SLC12A1: variants seen among roughly 807,000 people sequenced by gnomAD.
SLC12A1 encodes Na-K-2Cl cotransporter.
A neutral mutation model predicts 130.4 loss-of-function variants in SLC12A1; 89 were observed. The observed-to-expected ratio is 0.68, with a 90% CI of 0.58 to 0.81. The LOEUF (loss-of-function observed/expected upper bound fraction) is 0.81. Among genes scored for constraint, SLC12A1 ranks in the 40% least tolerant of loss-of-function variants. The pLI is 0.00. For synonymous variants in SLC12A1, 499 were observed against 460.0 expected (o/e 1.08, Z -1.09); for missense variants, 1,310 against 1,336.4 (o/e 0.98, Z 0.31).
intron 25 of SLC12A1, among the ~76,000 whole-genome samples, chr15:48,300,647 G>A (rs2042223636): frequency 6.6e-6 from 1 of 152,288 alleles, no homozygotes; most frequent in East Asian, 1.9e-4. Context: ...CAAACTGCCC[G>A]GTTCTGACCA....
intron 2 of SLC12A1, among the ~76,000 whole-genome samples, chr15:48,209,919 T>C (rs1160649587): frequency 6.6e-6 from 1 of 152,214 alleles, no homozygotes; most frequent in Non-Finnish European, 1.5e-5. Flanking sequence ...GGTTTCCTTA[T>C]AGACCTAAGA....
chr15:48,247,341 T>C lies in SLC12A1; in HGVS notation c.1565T>C (p.Leu522Pro). Residue 522 changes from leucine (L) to proline (P), a missense_variant, in exon 13 of 27, where the codon CTG becomes CCG. Leu to Pro is a moderately conservative substitution (Grantham distance 98, BLOSUM62 -3). Transcript: ENST00000380993. ...LVSAPKVFQA[L>P]CKDNIYKALQ... is the part of the protein sequence containing the mutation. ...TCTTCTCTTCTTTTCCATTAGGCTC[T>C]GTGCAAGGACAACATCTACAAAGCC... is the stretch of plus-strand genomic sequence containing the variant. The C allele has an allele frequency of 2.5e-6, 4 of 1,609,022 alleles. No homozygotes were observed. Among genetic ancestry groups the C allele is most frequent in the South Asian group, 2.2e-5 (2 of 89,168 alleles).
chr15:48,259,081 A>G, intron 16 of SLC12A1, 119 bp from the exon 17 acceptor site: 1 of 646,020 alleles, frequency 1.5e-6, no homozygotes, highest in Non-Finnish European at 2.8e-6. Context: ...CCCAAAAAAT[A>G]GATAGGGGAG....
Position 48,246,976 on chromosome 15 carries a change from C to T in SLC12A1, c.1520C>T (p.Ser507Phe). 6.2e-7 allele frequency: 1 copy of T among 1,613,980 alleles called. No individual in the cohort carries two copies. Among genetic ancestry groups the T allele is most frequent in the Non-Finnish European group, 8.5e-7 (1 of 1,179,878 alleles). Residue 507 changes from serine (S) to phenylalanine (F), a missense_variant, in exon 12 of 27, where the codon TCC (serine) becomes TTC (phenylalanine). Ser to Phe is a radical substitution (Grantham distance 155). Transcript: ENST00000380993. Reference protein sequence around the residue: ...TAGIFSATLSSALASLVSAPK... With the variant: ...TAGIFSATLSFALASLVSAPK... Reference sequence around the variant, plus strand: ...GGAATCTTTTCTGCAACACTCTCCTCCGCCCTGGCCTCCCTTGTCAGCGCA... The same window carrying T: ...GGAATCTTTTCTGCAACACTCTCCTTCGCCCTGGCCTCCCTTGTCAGCGCA...
intron 8 of SLC12A1, among the ~76,000 whole-genome samples, 179 bp downstream of exon 8, chr15:48,233,017 C>A (rs920100751): frequency 9.2e-5 from 14 of 152,196 alleles, no homozygotes; most frequent in Admixed American, 7.9e-4. Flanking sequence ...GAGGCAAAAA[C>A]TATCATTCTC....
intron 9 of SLC12A1, among the ~76,000 whole-genome samples, chr15:48,238,736 A>G (rs954559086): frequency 2.0e-5 from 3 of 152,188 alleles, no homozygotes; most frequent in East Asian, 1.9e-4. Context: ...TTTACACACT[A>G]TAGGATAGGA....
chr15:48,255,013 G>A (rs1374731893), intron 15 of SLC12A1, among the ~76,000 whole-genome samples: 1 of 152,144 alleles, frequency 6.6e-6, no homozygotes, highest in East Asian at 1.9e-4. Context: ...GGTTCTCAAA[G>A]ATCCATCTAA....
chr15:48,207,926 C>T lies in SLC12A1; in HGVS notation c.207C>T (p.Cys69=). ...GCTTTAGGCCTGGGAATCAGGAGTG[C>T]TATGACAATTTCCTCCAAAGTGGAG... is the stretch of plus-strand genomic sequence containing the variant. ...RISFRPGNQE[C]YDNFLQSGET... Residue 69 remains cysteine (C), a synonymous_variant, in exon 2 of 27, where the codon TGC becomes TGT. Transcript: ENST00000380993. 1.9e-6 allele frequency: 3 copies of T among 1,614,008 alleles called. No individual in the cohort carries two copies. Among genetic ancestry groups the T allele is most frequent in the South Asian group, 1.1e-5 (1 of 91,090 alleles).
In SLC12A1 at chr15:48,220,693, A is replaced by G; in HGVS notation, c.480A>G (p.Gly160=). The G allele has an allele frequency of 6.2e-7, 1 of 1,613,778 alleles. No individual in the cohort carries two copies. The highest frequency in any genetic ancestry group is 1.6e-4 in the Middle Eastern group (1 of 6,062). ...TTGCTAACGGTGATGGGATACCTGG[A>G]GATGAACAAGCTGAAAATAAGGAAG... is the stretch of plus-strand genomic sequence containing the variant. ...DRVANGDGIP[G]DEQAENKEDD... Residue 160 remains glycine (G), a synonymous_variant, in exon 3 of 27, where the codon GGA becomes GGG. Transcript: ENST00000380993.
chr15:48,208,012 T>C lies in SLC12A1; in HGVS notation c.293T>C (p.Leu98Pro). 1 of 1,613,970 alleles carries C rather than the reference T, an allele frequency of 6.2e-7. No homozygotes were observed. The highest frequency in any genetic ancestry group is 8.5e-7 in the Non-Finnish European group (1 of 1,179,892). ...AYDSHTNTYYLQTFGHNTMDA... is the reference protein window; with the variant it reads ...AYDSHTNTYYPQTFGHNTMDA... The stretch of plus-strand genomic sequence containing the variant: ...GATTCTCACACAAACACATACTATC[T>C]ACAAACTTTTGGCCACAACACCATG... Residue 98 changes from leucine to proline, a missense_variant, in exon 2 of 27, where the codon CTA becomes CCA. By Grantham distance (98) the Leu-to-Pro change is moderately conservative. Coordinates refer to ENST00000380993, the MANE Select transcript of SLC12A1 (RefSeq NM_000338.3).
intron 5 of SLC12A1, chr15:48,227,065 G>C (rs1222676475): frequency 6.5e-7 from 1 of 1,541,590 alleles, no homozygotes; most frequent in Non-Finnish European, 8.8e-7. Context: ...CACCTTTCTT[G>C]GGGGATTTTG....
intron 21 of SLC12A1, among the ~76,000 whole-genome samples, chr15:48,285,727 A>C (rs932006896): frequency 1.3e-5 from 2 of 152,230 alleles, no homozygotes; most frequent in African/African-American, 4.8e-5. Flanking sequence ...CACGACTTAG[A>C]ACTTTATTGG....
intron 11 of SLC12A1, among the ~76,000 whole-genome samples, chr15:48,245,595 C>T (rs932886882): frequency 2.0e-4 from 30 of 152,248 alleles, no homozygotes; most frequent in African/African-American, 6.5e-4. Context: ...GCAAAGGACA[C>T]GATTTTATTC....
chr15:48,223,979 G>C (rs1462995775), intron 4 of SLC12A1: 1 of 152,278 alleles, frequency 6.6e-6, no homozygotes, highest in African/African-American at 2.4e-5. Context: ...AGCTTCAAAA[G>C]AACCAGCCTT....
intron 20 of SLC12A1, among the ~76,000 whole-genome samples, chr15:48,275,633 C>T (rs2041944287): frequency 6.6e-6 from 1 of 152,104 alleles, no homozygotes; most frequent in African/African-American, 2.4e-5. Context: ...TTGGAGAATG[C>T]ATTCCTGACA....
chr15:48,232,634 A>C (rs1384687225), intron 7 of SLC12A1, 93 bp from the exon 8 acceptor site: 15 of 797,988 alleles, frequency 1.9e-5, no homozygotes, highest in Non-Finnish European at 3.4e-5. Flanking sequence ...TATCAGATAG[A>C]GTCTTTCTGC....
At position 48,226,535 on chromosome 15, in the gene SLC12A1, A is replaced by G. The variant is rs1567309047; in HGVS notation, c.688A>G (p.Thr230Ala). The part of the protein sequence containing the change: ...TMVTSITGLS[T>A]SAIATNGFVR... ...GGTAACTTCTATTACTGGGTTGTCA[A>G]CTTCTGCGATAGCAACTAACGGGTT... The change falls in exon 5 of 27, where the codon ACT becomes GCT. Residue 230 changes from threonine (T) to alanine (A), a missense_variant. By Grantham distance (58) the Thr-to-Ala change is moderately conservative (BLOSUM62 0). Coordinates refer to ENST00000380993, the MANE Select transcript of SLC12A1 (RefSeq NM_000338.3). 8 of 1,610,844 alleles carry G rather than the reference A, an allele frequency of 5.0e-6. No individual in the cohort carries two copies. The highest frequency in any genetic ancestry group is 6.8e-6 in the Non-Finnish European group (8 of 1,178,414).
rs762657594 is a variant in SLC12A1, at chr15:48,301,369, A to T, written c.3151A>T (p.Asn1051Tyr). The change falls in exon 26 of 27, where the codon AAT becomes TAT. Residue 1051 changes from asparagine (N) to tyrosine (Y), a missense_variant. Transcript: ENST00000380993. ...CTTACAGGAGCACTCCAGAGCTGCT[A>T]ATCTCATTGTCCTGTAAGTATCATT... is the stretch of plus-strand genomic sequence containing the variant. ...ELLQEHSRAA[N>Y]LIVLSLPVAR... 6 of 1,590,624 alleles carry T rather than the reference A, an allele frequency of 3.8e-6. 1 individual carries two copies. In the South Asian group the frequency reaches 6.9e-5, roughly 18 times the overall value.
chr15:48,274,902 A>G (rs1236287325), intron 20 of SLC12A1, among the ~76,000 whole-genome samples: 1 of 152,220 alleles, frequency 6.6e-6, no homozygotes, highest in Non-Finnish European at 1.5e-5. Flanking sequence ...TCTTATCACA[A>G]AACCACAAAG....
Sources: gnomAD v4.1 joint callset for allele counts (sites outside exome capture counted in the v4.1 genomes callset) on GRCh38, gnomAD v4.1.1 for gene constraint, MANE v1.5 for transcripts, NCBI Gene and HGNC (gene_info 2026-07-23, HGNC 2026-07-21) for gene names.